The following CGN variants were observed in gnomAD, a reference collection of about 807,000 sequenced individuals.
CGN encodes cingulin.
In CGN, 121 loss-of-function variants were observed where a neutral mutation model predicts 157.1. The ratio of observed to expected loss-of-function variants is 0.77; its 90% CI spans 0.66 to 0.90. The LOEUF (loss-of-function observed/expected upper bound fraction) is 0.90, where lower values mean the gene tolerates loss of function less well. CGN is among the 40% of genes least tolerant of loss of function. The pLI, the probability that CGN is intolerant of heterozygous loss-of-function variation, is 0.00. For synonymous variants in CGN, 535 were observed against 607.5 expected (o/e 0.88, Z 1.76); for missense variants, 1,424 against 1,520.9 (o/e 0.94, Z 1.06).
At chr1:151,513,697 C>T (rs905367009) in intron 1 of CGN, among the ~76,000 whole-genome samples, 3 of 152,184 alleles carry the variant, frequency 2.0e-5, no homozygotes, top group African/African-American at 7.2e-5. Context: ...TAGTTGGAAA[C>T]CAGATGCATA....
intron 2 of CGN, 41 bp from the exon 3 acceptor site, chr1:151,520,125 T>C (rs757581587): frequency 4.7e-6 from 7 of 1,504,216 alleles, no homozygotes; most frequent in Non-Finnish European, 6.3e-6. Context: ...CCTATTTCTT[T>C]CTTTCTTTCT....
At chr1:151,520,908 C>T (rs1236798610) in intron 5 of CGN, among the ~76,000 whole-genome samples, 1 of 152,214 alleles carries the variant, frequency 6.6e-6, no homozygotes, top group East Asian at 1.9e-4. Flanking sequence ...ACCTTCCATT[C>T]CACTCCCTTT....
At chr1:151,534,802 T>A in intron 15 of CGN, 1 of 491,444 alleles carries the variant, frequency 2.0e-6, no homozygotes, top group Non-Finnish European at 3.6e-6. Flanking sequence ...GATTCTGGGG[T>A]TTGCCTTTCT....
In CGN at chr1:151,518,598, G is replaced by A. The variant is rs760634522; in HGVS notation, c.79G>A (p.Val27Met). ...CCAGATTCGCTTCATCACAGAGCCA[G>A]TGAGTGGTGCAGAGATGGGCACTCT... ...GVQIRFITEP[V>M]SGAEMGTLRR... The change falls in exon 2 of 21, where the codon GTG (valine) becomes ATG (methionine). Residue 27 changes from valine to methionine, a missense_variant. Transcript: ENST00000271636. The A allele has an allele frequency of 6.2e-7, 1 of 1,614,076 alleles. No individual in the cohort carries two copies. Among genetic ancestry groups the A allele is most frequent in the Non-Finnish European group, 8.5e-7 (1 of 1,180,030 alleles).
chr1:151,522,644 A>C (rs1048479373), intron 5 of CGN, among the ~76,000 whole-genome samples: 3 of 150,254 alleles, frequency 2.0e-5, no homozygotes, highest in Non-Finnish European at 3.0e-5. Flanking sequence ...AACAAACAAA[A>C]AAAACAAAAA....
At position 151,537,436 on chromosome 1, in the gene CGN, A is replaced by G. The variant is rs1664994679; in HGVS notation, c.*90A>G. 4.2e-6 allele frequency: 5 copies of G among 1,187,978 alleles called. No individual in the cohort carries two copies. In the Admixed American group the frequency reaches 9.6e-5, roughly 23 times the overall value. The allele number at this position is 1,187,978 out of a possible 1,614,324, so 73.6% of individuals were successfully genotyped here. On this transcript the variant is annotated 3_prime_UTR_variant, in exon 21 of 21. Coordinates refer to ENST00000271636, the MANE Select transcript of CGN (RefSeq NM_020770.3). ...TGCCCACCCTGGGTTCTGCATTCCT[A>G]TGGGTGACCCAATTATTCAGACCTA... is the stretch of plus-strand genomic sequence containing the variant.
intron 20 of CGN, 111 bp from the exon 21 acceptor site, chr1:151,537,094 T>C: frequency 7.5e-7 from 1 of 1,333,244 alleles, no homozygotes. Context: ...GGGGATTTTG[T>C]GAATAAACTT....
chr1:151,517,365 GA>G (rs1664438859), intron 1 of CGN, among the ~76,000 whole-genome samples: 1 of 152,124 alleles, frequency 6.6e-6, no homozygotes, highest in Non-Finnish European at 1.5e-5. Flanking sequence ...CCAGAAGTGG[GA>G]TGATATACTT....
chr1:151,523,459 A>T lies in CGN; in HGVS notation c.1166A>T (p.Gln389Leu), dbSNP rs769260844. Reference protein sequence around the residue: ...VKKRQKLEPSQVGLERQLEEK... With the variant: ...VKKRQKLEPSLVGLERQLEEK... ...AAGCGGCAGAAGCTAGAGCCATCCC[A>T]AGTTGGGCTGGAGCGGCAGCTGGAG... Residue 389 changes from glutamine to leucine, a missense_variant, in exon 6 of 21, where the codon CAA becomes CTA. This residue lies in a region of CGN where 1,187 missense variants were observed against 1,217.6 expected (regional missense o/e 0.97). Transcript: ENST00000271636. The T allele has an allele frequency of 6.2e-7, 1 of 1,613,320 alleles. No homozygotes were observed.
At position 151,523,542 on chromosome 1, in the gene CGN, G is replaced by T. The variant is rs1275282597; in HGVS notation, c.1249G>T (p.Ala417Ser). 6.2e-7 allele frequency: 1 copy of T among 1,610,092 alleles called. No homozygotes were observed. Among genetic ancestry groups the T allele is most frequent in the Non-Finnish European group, 8.5e-7 (1 of 1,178,404 alleles). ...QELLERRKGE[A>S]QQSNKELQNM... ...GCTGCTGGAGAGGAGGAAGGGGGAG[G>T]CCCAGCAGAGCAACAAGGAGTGAGT... Residue 417 changes from alanine to serine, a missense_variant, in exon 6 of 21, where the codon GCC becomes TCC. Physicochemically the swap from Ala to Ser is moderately conservative, Grantham distance 99. Transcript: ENST00000271636.
chr1:151,520,076 C>A, intron 2 of CGN, 90 bp from the exon 3 acceptor site: 1 of 936,018 alleles, frequency 1.1e-6, no homozygotes, highest in Non-Finnish European at 1.6e-6. Flanking sequence ...TGCCACTTCT[C>A]CTCCATCTGA....
chr1:151,525,207 G>A (rs1664644304), intron 8 of CGN, among the ~76,000 whole-genome samples: 1 of 152,144 alleles, frequency 6.6e-6, no homozygotes. Context: ...AGACCAGCCT[G>A]GGTAACATGG....
At position 151,532,558 on chromosome 1, in the gene CGN, C is replaced by A; in HGVS notation, c.2728C>A (p.Arg910=). The change falls in exon 14 of 21, where the codon CGA becomes AGA. Residue 910 remains arginine, a synonymous_variant. Coordinates refer to ENST00000271636, the MANE Select transcript of CGN (RefSeq NM_020770.3). ...TGAGAAGACCTCTGGAGGACTGAGC[C>A]GACTTCAGGATGAGGTAGAAGTCTA... ...EAEKTSGGLS[R]LQDEIQRLRQ... is the part of the protein sequence containing the mutation. 1.3e-6 allele frequency: 2 copies of A among 1,542,500 alleles called. No individual in the cohort carries two copies. Among genetic ancestry groups the A allele is most frequent in the South Asian group, 1.2e-5 (1 of 81,212 alleles).
chr1:151,517,929 C>A (rs1664448623), intron 1 of CGN, among the ~76,000 whole-genome samples: 1 of 151,460 alleles, frequency 6.6e-6, no homozygotes, highest in South Asian at 2.1e-4. Flanking sequence ...CTGCTCACTG[C>A]AGCCTCTCTC....
At chr1:151,520,762 G>A in intron 5 of CGN, 71 bp downstream of exon 5, 1 of 1,207,614 alleles carries the variant, frequency 8.3e-7, no homozygotes, top group Non-Finnish European at 1.2e-6. Context: ...GAGATGGGCT[G>A]AGCTGACCCT....
intron 1 of CGN, among the ~76,000 whole-genome samples, chr1:151,514,530 T>C (rs1009296907): frequency 3.9e-5 from 6 of 152,172 alleles, no homozygotes; most frequent in African/African-American, 1.4e-4. Flanking sequence ...GCTGTGCAAG[T>C]GGGCTTTAGT....
rs767409082 is a variant in CGN at position 151,536,324 on chromosome 1, T to C, written c.3285T>C (p.His1095=). The change falls in exon 19 of 21, where the codon CAT becomes CAC. Residue 1095 remains histidine, a synonymous_variant. Transcript: ENST00000271636. ...TCCAGATTGAAGACGAGCGGCAGCATGTCAATGACCAGAAAGACCAGGTGA... is the reference window on the plus strand; with the variant it reads ...TCCAGATTGAAGACGAGCGGCAGCACGTCAATGACCAGAAAGACCAGGTGA... The part of the protein sequence containing the change: ...LSIQIEDERQ[H]VNDQKDQLSL... 109 of 1,608,156 alleles carry C rather than the reference T, an allele frequency of 6.8e-5. 1 individual carries two copies. The South Asian group carries it at 9.0e-4, about 13-fold the overall frequency.
chr1:151,532,088 T>C (rs1308491781), intron 13 of CGN, among the ~76,000 whole-genome samples: 1 of 152,218 alleles, frequency 6.6e-6, no homozygotes, highest in Non-Finnish European at 1.5e-5. Flanking sequence ...AGTACAGAAC[T>C]TCACATAATT....
chr1:151,518,539 T>C lies in CGN; in HGVS notation c.20T>C (p.Met7Thr), dbSNP rs1213748101. 6.2e-7 allele frequency: 1 copy of C among 1,609,010 alleles called. No homozygotes were observed. Among genetic ancestry groups the C allele is most frequent in the South Asian group, 1.1e-5 (1 of 90,940 alleles). The change falls in exon 2 of 21, where the codon ATG becomes ACG. Residue 7 changes from methionine (M) to threonine (T), a missense_variant. By Grantham distance (81) the Met-to-Thr change is moderately conservative. This residue lies in a region of CGN where 1,187 missense variants were observed against 1,217.6 expected (regional missense o/e 0.97). Coordinates refer to ENST00000271636, the MANE Select transcript of CGN (RefSeq NM_020770.3). ...CTATTTATGGAGCAGGCACCCAACATGGCTGAGCCCCGGGGCCCCGTAGAC... is the reference window on the plus strand; with the variant it reads ...CTATTTATGGAGCAGGCACCCAACACGGCTGAGCCCCGGGGCCCCGTAGAC... MEQAPN[M>T]AEPRGPVDHG...
Sources: gnomAD v4.1 joint callset for allele counts (sites outside exome capture counted in the v4.1 genomes callset) on GRCh38, gnomAD v4.1.1 for gene constraint, gnomAD v4.1.1 regional missense constraint, MANE v1.5 for transcripts, NCBI Gene and HGNC (gene_info 2026-07-23, HGNC 2026-07-21) for gene names.